Variants in FAM184A observed in about 807,000 individuals in gnomAD.
FAM184A encodes family with sequence similarity 184 member A.
A neutral mutation model predicts 143.8 loss-of-function variants in FAM184A; 99 were observed. That is an observed-to-expected ratio of 0.69 (90% CI 0.58 to 0.81). The LOEUF (loss-of-function observed/expected upper bound fraction) is 0.81, where lower values mean the gene tolerates loss of function less well. Among genes scored for constraint, FAM184A ranks in the 40% least tolerant of loss-of-function variants. The probability of loss-of-function intolerance (pLI) is 0.00; values close to 1 mark genes in which losing one functional copy is unlikely to be tolerated. For synonymous variants in FAM184A, 427 were observed against 446.4 expected, an observed-to-expected ratio of 0.96 and a Z score of 0.55; for missense variants, 1,217 against 1,310.5, an observed-to-expected ratio of 0.93 and a Z score of 1.10.
intron 9 of FAM184A, among the ~76,000 whole-genome samples, chr6:118,989,665 T>G (rs1289457610): frequency 2.1e-5 from 3 of 143,156 alleles, no homozygotes; most frequent in African/African-American, 7.6e-5. Context: ...TGCTTTTATG[T>G]ACATCACTAG....
intron 9 of FAM184A, among the ~76,000 whole-genome samples, chr6:118,996,141 T>C (rs999925665): frequency 6.6e-5 from 10 of 152,196 alleles, no homozygotes; most frequent in African/African-American, 2.4e-4. Flanking sequence ...TAAATATTAA[T>C]TCATAATAAA....
intron 6 of FAM184A, among the ~76,000 whole-genome samples, chr6:119,008,799 C>T (rs748873855): frequency 3.9e-5 from 6 of 152,186 alleles, no homozygotes; most frequent in Non-Finnish European, 7.3e-5. Flanking sequence ...TGGACACGAG[C>T]ATAAGCCCCA....
chr6:119,091,054 T>G (rs1788350307), intron 1 of FAM184A, among the ~76,000 whole-genome samples: 1 of 152,214 alleles, frequency 6.6e-6, no homozygotes, highest in Admixed American at 6.5e-5. Flanking sequence ...TACTAGTCCT[T>G]TGGCATAAAG....
chr6:119,049,292 A>T (rs1276286801), intron 1 of FAM184A, among the ~76,000 whole-genome samples: 2 of 152,150 alleles, frequency 1.3e-5, no homozygotes, highest in African/African-American at 4.8e-5. Context: ...TACTAAAAAT[A>T]CAAAAATTAC....
chr6:118,968,996 C>T (rs564871869), intron 14 of FAM184A, among the ~76,000 whole-genome samples: 25 of 152,288 alleles, frequency 1.6e-4, no homozygotes, highest in African/African-American at 5.8e-4. Flanking sequence ...CCCACAATCC[C>T]CATGTGTCAT....
At chr6:119,086,111 C>T (rs1485987404) in intron 1 of FAM184A, among the ~76,000 whole-genome samples, 1 of 152,138 alleles carries the variant, frequency 6.6e-6, no homozygotes, top group African/African-American at 2.4e-5. Flanking sequence ...ATCACCCAAA[C>T]CTCACTTTTA....
intron 11 of FAM184A, 69 bp from the exon 12 acceptor site, chr6:118,976,113 A>G: frequency 6.8e-7 from 1 of 1,469,314 alleles, no homozygotes; most frequent in Middle Eastern, 1.9e-4. Flanking sequence ...GATAAAAATT[A>G]TAGAAGTAAA....
chr6:119,096,638 A>G (rs9489590), intron 1 of FAM184A, among the ~76,000 whole-genome samples: 32,013 of 99,746 alleles, frequency 0.32, 13,650 homozygotes, highest in African/African-American at 0.38. Context: ...GCGAGACTCC[A>G]TCTCAAAAAA....
intron 1 of FAM184A, among the ~76,000 whole-genome samples, chr6:119,146,160 T>A (rs1453252238): frequency 6.6e-6 from 1 of 152,118 alleles, no homozygotes; most frequent in African/African-American, 2.4e-5. Flanking sequence ...AATAGTGATA[T>A]AATTTCCCTT....
At chr6:119,010,435 G>T (rs938053300) in intron 6 of FAM184A, among the ~76,000 whole-genome samples, 3 of 152,074 alleles carry the variant, frequency 2.0e-5, no homozygotes, top group Non-Finnish European at 4.4e-5. Context: ...TATGGTGATG[G>T]AATGGCATCT....
At chr6:119,094,256 C>A (rs1788449267) in intron 1 of FAM184A, among the ~76,000 whole-genome samples, 1 of 152,066 alleles carries the variant, frequency 6.6e-6, no homozygotes. Flanking sequence ...TTTTGCTACA[C>A]AGTCCCTTTA....
At chr6:118,964,816 A>G (rs1170605197) in intron 15 of FAM184A, 45 bp from the exon 16 acceptor site, 4 of 1,051,412 alleles carry the variant, frequency 3.8e-6, no homozygotes, top group Non-Finnish European at 5.6e-6. Context: ...TTTCTATGGA[A>G]TATTTTAAAA....
intron 3 of FAM184A, among the ~76,000 whole-genome samples, chr6:119,020,865 C>A (rs1785421747): frequency 6.6e-6 from 1 of 151,992 alleles, no homozygotes; most frequent in South Asian, 2.1e-4. Context: ...AAACAACCAA[C>A]CAACCAACAA....
chr6:119,035,343 G>C (rs1186665476), intron 1 of FAM184A, among the ~76,000 whole-genome samples: 5 of 152,112 alleles, frequency 3.3e-5, no homozygotes, highest in Non-Finnish European at 5.9e-5. Flanking sequence ...AGGGACAGCT[G>C]ACAAGAATTA....
intron 11 of FAM184A, among the ~76,000 whole-genome samples, chr6:118,978,884 T>C (rs1440381670): frequency 6.6e-6 from 1 of 152,204 alleles, no homozygotes; most frequent in Non-Finnish European, 1.5e-5. Context: ...AAACTCAACC[T>C]ACCTCCTTAT....
chr6:118,979,663 A>G (rs1783959480), intron 10 of FAM184A, 145 bp from the exon 11 acceptor site: 1 of 632,988 alleles, frequency 1.6e-6, no homozygotes, highest in African/African-American at 1.9e-5. Flanking sequence ...GACATAAGAT[A>G]ATCAACATTA....
At chr6:119,001,030 G>A (rs1318223082) in intron 9 of FAM184A, among the ~76,000 whole-genome samples, 2 of 150,866 alleles carry the variant, frequency 1.3e-5, no homozygotes, top group African/African-American at 4.9e-5. Flanking sequence ...ATCCAAAGGA[G>A]TCGAGACAAC....
chr6:119,028,120 A>G (rs1785732518), intron 1 of FAM184A, among the ~76,000 whole-genome samples: 1 of 152,264 alleles, frequency 6.6e-6, no homozygotes, highest in African/African-American at 2.4e-5. Context: ...CTGCAAGCCT[A>G]AAAATCCTTG....
chr6:118,962,218 G>A (rs763725844), intron 16 of FAM184A: 3 of 470,198 alleles, frequency 6.4e-6, no homozygotes, highest in Middle Eastern at 5.9e-4. Context: ...AGTCATTCAC[G>A]AGGAATGAGA....
Sources: gnomAD v4.1 joint callset for allele counts (sites outside exome capture counted in the v4.1 genomes callset) on GRCh38, gnomAD v4.1.1 for gene constraint, MANE v1.5 for transcripts, NCBI Gene and HGNC (gene_info 2026-07-23, HGNC 2026-07-21) for gene names.